The following REC114 variants were observed in gnomAD, a reference collection of about 807,000 sequenced individuals.
The protein encoded by REC114 is REC114 meiotic recombination protein.
In REC114, 27 loss-of-function variants were observed where a neutral mutation model predicts 31.3. The ratio of observed to expected loss-of-function variants is 0.86; its 90% confidence interval spans 0.64 to 1.19. The LOEUF (loss-of-function observed/expected upper bound fraction) is 1.19. Among genes scored for constraint, REC114 ranks in the 50% most tolerant of loss-of-function variants. The pLI is 0.00. For synonymous variants in REC114, 134 were observed against 127.7 expected, an observed-to-expected ratio of 1.05 and a Z score of -0.33; for missense variants, 344 against 326.9, an observed-to-expected ratio of 1.05 and a Z score of -0.40.
At chr15:73,486,060 C>T (rs2141299699) in intron 2 of REC114, among the ~76,000 whole-genome samples, 1 of 152,280 alleles carries the variant, frequency 6.6e-6, no homozygotes, top group South Asian at 2.1e-4. Context: ...GATTACTCAA[C>T]TGGAAGAAAT....
At chr15:73,516,077 C>T (rs1402834932) in intron 2 of REC114, among the ~76,000 whole-genome samples, 1 of 151,698 alleles carries the variant, frequency 6.6e-6, no homozygotes, top group Non-Finnish European at 1.5e-5. Flanking sequence ...ACCTCCGCCT[C>T]CCAGGTTCAA....
chr15:73,496,351 C>CA (rs539098846), intron 2 of REC114, among the ~76,000 whole-genome samples: 1,892 of 20,230 alleles, frequency 0.094, 200 homozygotes, highest in African/African-American at 0.15. Context: ...GACTCCTTCT[C>CA]AAAAAAAAAA....
At chr15:73,537,354 A>C (rs1020482045) in intron 2 of REC114, among the ~76,000 whole-genome samples, 1 of 152,198 alleles carries the variant, frequency 6.6e-6, no homozygotes, top group Non-Finnish European at 1.5e-5. Flanking sequence ...CTCCATGGCA[A>C]AATGGTTTGA....
intron 1 of REC114, among the ~76,000 whole-genome samples, chr15:73,460,708 T>C (rs1056667218): frequency 1.3e-5 from 2 of 152,252 alleles, no homozygotes; most frequent in African/African-American, 4.8e-5. Flanking sequence ...TTTAGTAGTC[T>C]GGGAAATGTT....
intron 4 of REC114, among the ~76,000 whole-genome samples, chr15:73,554,357 G>A (rs1194417628): frequency 6.6e-6 from 1 of 152,164 alleles, no homozygotes; most frequent in Non-Finnish European, 1.5e-5. Context: ...ACAAGCCATG[G>A]CCAAGGTTCT....
At chr15:73,525,062 A>T (rs1354531086) in intron 2 of REC114, among the ~76,000 whole-genome samples, 1 of 152,212 alleles carries the variant, frequency 6.6e-6, no homozygotes, top group Non-Finnish European at 1.5e-5. Flanking sequence ...GTCCAGTCAG[A>T]GGAGATGTGG....
At chr15:73,557,414 T>TA (rs767116205) in intron 5 of REC114, among the ~76,000 whole-genome samples, 1,408 of 113,074 alleles carry the variant, frequency 0.012, 10 homozygotes, top group East Asian at 0.044. Context: ...ATCAGTAGTT[T>TA]AAAAAAAAAA....
At chr15:73,495,310 G>T (rs1232333104) in intron 2 of REC114, among the ~76,000 whole-genome samples, 2 of 151,582 alleles carry the variant, frequency 1.3e-5, no homozygotes, top group African/African-American at 2.4e-5. Context: ...TAGAGCTCTT[G>T]TTTACTTTAC....
intron 4 of REC114, among the ~76,000 whole-genome samples, chr15:73,555,137 C>G (rs994521711): frequency 4.6e-5 from 7 of 152,188 alleles, no homozygotes; most frequent in Non-Finnish European, 8.8e-5. Context: ...TACCTACTGA[C>G]TAGCAACCAT....
At chr15:73,493,443 A>G (rs1358630462) in intron 2 of REC114, among the ~76,000 whole-genome samples, 1 of 152,050 alleles carries the variant, frequency 6.6e-6, no homozygotes, top group Non-Finnish European at 1.5e-5. Flanking sequence ...CCTTTTCTGT[A>G]TCTTGAGGGT....
chr15:73,475,636 TAA>T (rs1377026594), intron 2 of REC114, among the ~76,000 whole-genome samples: 1 of 152,240 alleles, frequency 6.6e-6, no homozygotes, highest in East Asian at 1.9e-4. Context: ...GTTTATAATG[TAA>T]AAATGTTACA....
chr15:73,524,031 G>C (rs893583811), intron 2 of REC114, among the ~76,000 whole-genome samples: 1 of 152,132 alleles, frequency 6.6e-6, no homozygotes, highest in African/African-American at 2.4e-5. Context: ...TTCATAGAAA[G>C]TATATTGTGA....
intron 2 of REC114, among the ~76,000 whole-genome samples, chr15:73,518,207 C>CA (rs1893887839): frequency 6.6e-6 from 1 of 152,188 alleles, no homozygotes; most frequent in African/African-American, 2.4e-5. Context: ...CTTTGTGTTG[C>CA]AAATAACAGA....
At chr15:73,479,249 G>A (rs997400734) in intron 2 of REC114, among the ~76,000 whole-genome samples, 2 of 149,722 alleles carry the variant, frequency 1.3e-5, no homozygotes, top group Non-Finnish European at 3.0e-5. Flanking sequence ...TCTATTCCTA[G>A]TTTGCTAAGG....
chr15:73,502,231 A>G (rs1196970336), intron 2 of REC114, among the ~76,000 whole-genome samples: 1 of 152,132 alleles, frequency 6.6e-6, no homozygotes. Flanking sequence ...TATTCTTCAT[A>G]TCATTGTTAA....
intron 1 of REC114, among the ~76,000 whole-genome samples, chr15:73,452,143 G>A (rs1461552024): frequency 6.6e-6 from 1 of 152,116 alleles, no homozygotes; most frequent in Admixed American, 6.6e-5. Context: ...GGGCAATCGG[G>A]CAAGAGAAAG....
At chr15:73,472,924 G>T (rs1203886144) in intron 1 of REC114, among the ~76,000 whole-genome samples, 5 of 152,134 alleles carry the variant, frequency 3.3e-5, no homozygotes, top group Non-Finnish European at 7.3e-5. Context: ...AAACTCTTCA[G>T]TGTACTACCC....
intron 2 of REC114, among the ~76,000 whole-genome samples, chr15:73,492,624 T>G (rs1893461720): frequency 6.6e-6 from 1 of 152,216 alleles, no homozygotes; most frequent in African/African-American, 2.4e-5. Context: ...TCTGAAATTT[T>G]GCATTTCTAG....
intron 1 of REC114, among the ~76,000 whole-genome samples, chr15:73,471,520 G>A (rs1488148604): frequency 1.3e-5 from 2 of 152,100 alleles, no homozygotes; most frequent in East Asian, 1.9e-4. Flanking sequence ...CAAGTTAGGG[G>A]CTGTTAATTT....
Sources: gnomAD v4.1 joint callset for allele counts (sites outside exome capture counted in the v4.1 genomes callset) on GRCh38, gnomAD v4.1.1 for gene constraint, MANE v1.5 for transcripts, NCBI Gene and HGNC (gene_info 2026-07-23, HGNC 2026-07-21) for gene names.